Variants in ESPN observed in about 807,000 individuals in gnomAD.
ESPN encodes espin.
ESPN carries 68 observed loss-of-function variants against 77.7 expected under a neutral mutation model. That is an observed-to-expected ratio of 0.87 (90% CI 0.72 to 1.07). The LOEUF is 1.07. ESPN is among the 50% of genes least tolerant of loss of function. ESPN has a pLI of 0.00. For missense variants in ESPN, 1,060 were observed against 1,239.0 expected, an observed-to-expected ratio of 0.86 and a Z score of 2.17; for synonymous variants, 449 against 567.1, an observed-to-expected ratio of 0.79 and a Z score of 2.96.
chr1:6,445,674 C>A lies in ESPN; in HGVS notation c.1203C>A (p.Ser401Arg), dbSNP rs774321845. 1 of 1,612,494 alleles carries A rather than the reference C, an allele frequency of 6.2e-7. No homozygotes were observed. Among genetic ancestry groups the A allele is most frequent in the Non-Finnish European group, 8.5e-7 (1 of 1,179,810 alleles). The change falls in exon 7 of 13, where the codon AGC becomes AGA. Residue 401 changes from serine to arginine, a missense_variant. Coordinates refer to ENST00000645284, the MANE Select transcript of ESPN (RefSeq NM_031475.3). ...CTTCTGCCTCCCCAGGGCTTTCCAG[C>A]GCTAGAGCTGCAGACATACAGAGCT... ...KGQHPPCGLS[S>R]ARAADIQSYM...
intron 10 of ESPN, chr1:6,454,295 G>T (rs1347370397): frequency 5.0e-6 from 2 of 397,430 alleles, no homozygotes; most frequent in Non-Finnish European, 8.9e-6. Context: ...CCGCCGGCCA[G>T]ACGCGGTCCC....
At position 6,441,045 on chromosome 1, in the gene ESPN, C is replaced by T. The variant is rs1319090648; in HGVS notation, c.970C>T (p.Leu324=). 2 of 1,611,552 alleles carry T rather than the reference C, an allele frequency of 1.2e-6. No homozygotes were observed. The highest frequency in any genetic ancestry group is 2.2e-5 in the East Asian group (1 of 44,850). ...CGGCCACAGCCACTGCACCCGCTAC[C>T]TGCGCACGGTGGAGAACCTGGTACG... is the stretch of plus-strand genomic sequence containing the variant. ...FNGHSHCTRY[L]RTVENLSVEH... The change falls in exon 5 of 13, where the codon CTG becomes TTG. Residue 324 remains leucine (L), a synonymous_variant. Transcript: ENST00000645284.
At chr1:6,452,219 T>C (rs1041841313) in intron 10 of ESPN, 123 bp downstream of exon 10, 37 of 1,204,864 alleles carry the variant, frequency 3.1e-5, no homozygotes, top group Non-Finnish European at 4.2e-5. Context: ...TTTTTTCTTT[T>C]CTTGAGACAG....
At chr1:6,432,286 A>G (rs61780708) in intron 2 of ESPN, among the ~76,000 whole-genome samples, 33,839 of 152,110 alleles carry the variant, frequency 0.22, 6,220 homozygotes, top group African/African-American at 0.51. Flanking sequence ...TTCCCCACTA[A>G]GCCCCTGATT....
chr1:6,431,153 G>C (rs983070894), intron 2 of ESPN, among the ~76,000 whole-genome samples: 10 of 152,220 alleles, frequency 6.6e-5, no homozygotes, highest in Admixed American at 5.2e-4. Context: ...CTTCCAGGCT[G>C]GGGAGTGAGG....
At position 6,460,020 on chromosome 1, in the gene ESPN, G is replaced by A. The variant is rs1363321815; in HGVS notation, c.2439G>A (p.Lys813=). The stretch of plus-strand genomic sequence containing the variant: ...TCAGGAAAGAGGAGGAGCGACAGAA[G>A]CAGGAGGAGCTGCGGCGGGAGAAGG... ...EQKRKEEERQ[K]QEELRREKEQ... is the part of the protein sequence containing the mutation. The change falls in exon 13 of 13, where the codon AAG becomes AAA. Residue 813 remains lysine (K), a synonymous_variant. Transcript: ENST00000645284. The A allele has an allele frequency of 6.2e-7, 1 of 1,613,714 alleles. No homozygotes were observed. The highest frequency in any genetic ancestry group is 8.5e-7 in the Non-Finnish European group (1 of 1,180,034).
rs1319068440 is a variant in ESPN, at chr1:6,447,624, G to A, written c.1465-1017G>A. 6.6e-6 allele frequency among the ~76,000 whole-genome samples: 1 copy of A among 152,174 alleles called. No homozygotes were observed. The highest frequency in any genetic ancestry group is 2.4e-5 in the African/African-American group (1 of 41,440). On this transcript the variant is annotated intron_variant, in intron 7 of 12. Coordinates refer to ENST00000645284, the MANE Select transcript of ESPN (RefSeq NM_031475.3). The surrounding 1 kb of genome is among the most constrained non-coding windows in gnomAD (Gnocchi z 5.2). ...CAGCTGCGATGGGGTGGGAAGCCACGCTGTCACCCGACCCCGCCTTACGGC... is the reference window on the plus strand; with the variant it reads ...CAGCTGCGATGGGGTGGGAAGCCACACTGTCACCCGACCCCGCCTTACGGC...
intron 10 of ESPN, among the ~76,000 whole-genome samples, chr1:6,453,944 C>T (rs1569739434): frequency 6.6e-6 from 1 of 152,132 alleles, no homozygotes; most frequent in Non-Finnish European, 1.5e-5. Context: ...AGCGGAGTGG[C>T]CTCTGATTCT....
In ESPN at chr1:6,444,803, G is replaced by T; in HGVS notation, c.1192+121G>T. The stretch of plus-strand genomic sequence containing the variant: ...ATATCGGACACTACCCTCATCACTT[G>T]CTCTTAAACATGGGGAGGCGACACC... On this transcript the variant is annotated intron_variant, in intron 6 of 12. Transcript: ENST00000645284. The T allele has an allele frequency of 2.5e-6, 3 of 1,182,088 alleles. No homozygotes were observed. The South Asian group carries it at 3.8e-5, about 15-fold the overall frequency. 73.2% of individuals were successfully genotyped at this position (1,182,088 alleles called of 1,614,324 possible).
chr1:6,458,801 C>T (rs1403851614), intron 12 of ESPN, among the ~76,000 whole-genome samples: 3 of 150,622 alleles, frequency 2.0e-5, no homozygotes, highest in African/African-American at 7.3e-5. Context: ...CGTGATGGCG[C>T]ATGCCTGTAA....
At chr1:6,440,862 A>C (rs3817917) in intron 4 of ESPN, 54 bp downstream of exon 4, 2 of 1,494,650 alleles carry the variant, frequency 1.3e-6, no homozygotes, top group Admixed American at 2.3e-5. Context: ...CCGCGCTTTC[A>C]GCACGGCCCT....
chr1:6,457,597 C>T (rs1390176326), intron 12 of ESPN, among the ~76,000 whole-genome samples: 3 of 152,170 alleles, frequency 2.0e-5, no homozygotes, highest in African/African-American at 7.2e-5. Context: ...TTCTACCCTT[C>T]AGTTAACCTA....
chr1:6,456,588 G>GT (rs1486977821), intron 10 of ESPN: 5 of 176,556 alleles, frequency 2.8e-5, no homozygotes, highest in South Asian at 3.8e-4. Context: ...AGGGTGCCAC[G>GT]TGTGCAGTGT....
Position 6,440,407 on chromosome 1 carries a change from G to A in ESPN, c.642G>A (p.Ala214=), listed in dbSNP as rs892216039. 3.2e-6 allele frequency: 5 copies of A among 1,577,542 alleles called. No individual in the cohort carries two copies. The African/African-American group carries it at 6.8e-5, about 21-fold the overall frequency. ...GCATGACCCCGCTGCACGCCGCGGC[G>A]CAGATGGGCCACAGCCCAGTCATCG... ...HDGMTPLHAA[A]QMGHSPVIVW... The change falls in exon 3 of 13, where the codon GCG becomes GCA. Residue 214 remains alanine, a synonymous_variant. Coordinates refer to ENST00000645284, the MANE Select transcript of ESPN (RefSeq NM_031475.3).
At chr1:6,440,596 C>CCCCCCCCACAG in intron 3 of ESPN, 30 bp from the exon 4 acceptor site, 5 of 1,127,576 alleles carry the variant, frequency 4.4e-6, no homozygotes, top group Non-Finnish European at 6.2e-6. Context: ...GCCCAGCCCC[C>CCCCCCCCACAG]GCCCCCCTCT....
intron 2 of ESPN, among the ~76,000 whole-genome samples, chr1:6,431,917 C>G (rs1474767659): frequency 6.6e-6 from 1 of 152,198 alleles, no homozygotes; most frequent in Non-Finnish European, 1.5e-5. Flanking sequence ...CCTCGTGGAG[C>G]TGACAGGTAC....
intron 10 of ESPN, 76 bp downstream of exon 10, chr1:6,452,172 A>AC: frequency 1.4e-6 from 2 of 1,422,568 alleles, no homozygotes; most frequent in Non-Finnish European, 1.9e-6. Context: ...GCCACCCCCA[A>AC]CCCCAACCTC....
rs972727428 is a variant in ESPN at position 6,448,985 on chromosome 1, G to C, written c.1809G>C (p.Pro603=). Reference sequence around the variant, plus strand: ...TGCCACCGCCGCCCCCACCGCCGCCGCCGCCCCTGCCGGAGGCCGCGAGTT... The same window carrying C: ...TGCCACCGCCGCCCCCACCGCCGCCCCCGCCCCTGCCGGAGGCCGCGAGTT... ...RELPPPPPPP[P]PPLPEAASSP... is the part of the protein sequence containing the mutation. The change falls in exon 8 of 13, where the codon CCG becomes CCC. Residue 603 remains proline (P), a synonymous_variant. Coordinates refer to ENST00000645284, the MANE Select transcript of ESPN (RefSeq NM_031475.3). The C allele has an allele frequency of 7.0e-7, 1 of 1,438,630 alleles. No individual in the cohort carries two copies. The highest frequency in any genetic ancestry group is 2.7e-5 in the Admixed American group (1 of 37,154). The allele number at this position is 1,438,630 out of a possible 1,614,324, so 89.1% of individuals were successfully genotyped here.
chr1:6,428,561 G>T lies in ESPN; in HGVS notation c.488+142G>T. 1.3e-6 allele frequency: 1 copy of T among 743,812 alleles called. No homozygotes were observed. Among genetic ancestry groups the T allele is most frequent in the Non-Finnish European group, 2.2e-6 (1 of 462,236 alleles). 46.1% of individuals were successfully genotyped at this position (743,812 alleles called of 1,614,324 possible). A position where few individuals can be genotyped will look rare whatever the true frequency, so the allele number is the denominator to read the frequency against. On this transcript the variant is annotated intron_variant, in intron 2 of 12. Transcript: ENST00000645284. The surrounding 1 kb of genome is among the most constrained non-coding windows in gnomAD (Gnocchi z 5.4). The stretch of plus-strand genomic sequence containing the variant: ...CCTGGGGCCAGAGGGCCAGGCCAGA[G>T]AAATGGCTCCCACTCAACATGAAAT...
Sources: allele counts gnomAD v4.1 joint callset (sites outside exome capture counted in the v4.1 genomes callset), GRCh38; gene constraint gnomAD v4.1.1; non-coding constraint Gnocchi (gnomAD v3.1); transcripts MANE v1.5; gene names NCBI Gene and HGNC (gene_info 2026-07-23, HGNC 2026-07-21).